SOX6: variants seen among roughly 807,000 people sequenced by gnomAD.
SOX6 encodes the protein transcription factor SOX-6.
In SOX6, 11 loss-of-function variants were observed where a neutral mutation model predicts 97.8. The observed-to-expected ratio is 0.11, with a 90% CI of 0.07 to 0.19. SOX6 has a LOEUF of 0.19. Ranked by LOEUF, SOX6 falls within the 10% of genes least tolerant of loss-of-function variation. The probability of loss-of-function intolerance (pLI) is 1.00; values close to 1 mark genes in which losing one functional copy is unlikely to be tolerated. For missense variants in SOX6, 810 were observed against 1,039.5 expected (o/e 0.78, Z 3.04); for synonymous variants, 360 against 371.4 (o/e 0.97, Z 0.35).
At chr11:16,486,442 A>G (rs1860435564) in intron 4 of SOX6, among the ~76,000 whole-genome samples, 1 of 152,112 alleles carries the variant, frequency 6.6e-6, no homozygotes, top group South Asian at 2.1e-4. Context: ...AGAGATAACA[A>G]CTTAATAATA....
At chr11:16,465,549 C>A (rs1014304139) in intron 1 of SOX6, among the ~76,000 whole-genome samples, 1 of 152,094 alleles carries the variant, frequency 6.6e-6, no homozygotes, top group Non-Finnish European at 1.5e-5. Flanking sequence ...GGCTTGTCAC[C>A]AGCCTGCCTT....
At chr11:16,082,147 C>T (rs1249016434) in intron 9 of SOX6, among the ~76,000 whole-genome samples, 13 of 152,142 alleles carry the variant, frequency 8.5e-5, no homozygotes, top group African/African-American at 2.9e-4. Context: ...CAGCCAATAA[C>T]ATTACTATCC....
chr11:16,451,464 T>G (rs948744797), intron 1 of SOX6, among the ~76,000 whole-genome samples: 4 of 152,138 alleles, frequency 2.6e-5, no homozygotes, highest in Non-Finnish European at 4.4e-5. Context: ...CCAGAGCACA[T>G]GCTAGTAAAC....
chr11:16,569,505 T>A (rs1847913517), intron 4 of SOX6, among the ~76,000 whole-genome samples: 1 of 152,086 alleles, frequency 6.6e-6, no homozygotes, highest in African/African-American at 2.4e-5. Flanking sequence ...ATTTTAAATA[T>A]AAGAATTATC....
At chr11:16,482,873 T>TTTTG (rs376039248) in intron 4 of SOX6, among the ~76,000 whole-genome samples, 13 of 152,108 alleles carry the variant, frequency 8.5e-5, no homozygotes, top group Admixed American at 2.6e-4. Context: ...GAAACTGCCT[T>TTTTG]TTTGTTTGTT....
chr11:16,216,117 T>C (rs1852365008), intron 4 of SOX6, among the ~76,000 whole-genome samples: 1 of 152,220 alleles, frequency 6.6e-6, no homozygotes, highest in Non-Finnish European at 1.5e-5. Context: ...GCCCATCTCA[T>C]GGCACTGGTT....
chr11:16,402,110 G>A (rs1304164200), intron 1 of SOX6, among the ~76,000 whole-genome samples: 2 of 151,046 alleles, frequency 1.3e-5, no homozygotes, highest in Admixed American at 6.6e-5. Context: ...TGGTTTTGAG[G>A]GAAAACAAAA....
At chr11:16,645,039 G>T (rs1442818077) in intron 3 of SOX6, among the ~76,000 whole-genome samples, 1 of 152,140 alleles carries the variant, frequency 6.6e-6, no homozygotes, top group East Asian at 1.9e-4. Context: ...CTTAATTTGG[G>T]GCTCTTTCAG....
chr11:16,098,947 C>T (rs1399323331), intron 7 of SOX6, among the ~76,000 whole-genome samples: 1 of 151,754 alleles, frequency 6.6e-6, no homozygotes, highest in South Asian at 2.1e-4. Context: ...ATATGAAATG[C>T]TACTCAGCTG....
intron 3 of SOX6, among the ~76,000 whole-genome samples, chr11:16,649,285 T>C (rs558667060): frequency 1.3e-5 from 2 of 152,308 alleles, no homozygotes; most frequent in Non-Finnish European, 2.9e-5. Flanking sequence ...GGGAAATTCA[T>C]TGCAGAAAGA....
chr11:16,631,241 T>A (rs1316671985), intron 3 of SOX6, among the ~76,000 whole-genome samples: 1 of 151,282 alleles, frequency 6.6e-6, no homozygotes, highest in Middle Eastern at 3.2e-3. Flanking sequence ...TATGCATGTT[T>A]AAAACTCCCT....
At chr11:16,121,405 C>T (rs1227474443) in intron 6 of SOX6, among the ~76,000 whole-genome samples, 1 of 152,020 alleles carries the variant, frequency 6.6e-6, no homozygotes, top group African/African-American at 2.4e-5. Context: ...CTTAATTCAA[C>T]TCTTCAACAG....
chr11:16,310,584 T>C (rs73423283), intron 3 of SOX6, among the ~76,000 whole-genome samples: 50 of 152,188 alleles, frequency 3.3e-4, no homozygotes, highest in African/African-American at 1.2e-3. Context: ...TTAAATGAAG[T>C]TGTATCAGCA....
chr11:16,576,586 G>A (rs1214208621), intron 4 of SOX6, among the ~76,000 whole-genome samples: 2 of 152,048 alleles, frequency 1.3e-5, no homozygotes, highest in Non-Finnish European at 2.9e-5. Context: ...CATTCCTTTG[G>A]ATTAAAACAT....
chr11:16,643,658 T>G lies in SOX6; in HGVS notation n.430-31398A>C, dbSNP rs375136987. 5.5e-4 allele frequency among the ~76,000 whole-genome samples: 84 copies of G among 152,324 alleles called. 1 individual carries two copies. The South Asian group carries it at 0.014, about 25-fold the overall frequency. On this transcript the variant is annotated intron_variant and non_coding_transcript_variant, in intron 3 of 5. Coordinates refer to the SOX6 transcript ENST00000524520. ...CTCGCTGCCACCTTGCAGTTTGATC[T>G]CAGACTGCTGTGCTAGCAATGAGTG...
At chr11:16,267,503 C>T (rs916993064) in intron 3 of SOX6, among the ~76,000 whole-genome samples, 1 of 151,520 alleles carries the variant, frequency 6.6e-6, no homozygotes, top group Non-Finnish European at 1.5e-5. Context: ...TATCATTGCA[C>T]ACCTGTTTAG....
At chr11:16,684,705 A>G (rs1246018390) in intron 3 of SOX6, among the ~76,000 whole-genome samples, 1 of 152,094 alleles carries the variant, frequency 6.6e-6, no homozygotes, top group Non-Finnish European at 1.5e-5. Context: ...CGTTCTGCAC[A>G]TGTACCCTAG....
chr11:16,465,320 T>A (rs1860008288), intron 1 of SOX6, among the ~76,000 whole-genome samples: 1 of 152,218 alleles, frequency 6.6e-6, no homozygotes, highest in Non-Finnish European at 1.5e-5. Context: ...AATCTCAGAA[T>A]GTTTTAATCC....
At chr11:16,677,142 T>A (rs1009464552) in intron 3 of SOX6, among the ~76,000 whole-genome samples, 23 of 152,124 alleles carry the variant, frequency 1.5e-4, no homozygotes, top group Admixed American at 1.4e-3. Flanking sequence ...AAGTTCTGAG[T>A]TAAACAAACT....
Sources: gnomAD v4.1 joint callset for allele counts (sites outside exome capture counted in the v4.1 genomes callset) on GRCh38, gnomAD v4.1.1 for gene constraint, MANE v1.5 for transcripts, NCBI Gene and HGNC (gene_info 2026-07-23, HGNC 2026-07-21) for gene names.